GRIP1: variants seen among roughly 807,000 people sequenced by gnomAD.
The protein encoded by GRIP1 is glutamate receptor-interacting protein 1.
A neutral mutation model predicts 129.9 loss-of-function variants in GRIP1; 45 were observed. The ratio of observed to expected loss-of-function variants is 0.35; its 90% CI spans 0.27 to 0.44. The LOEUF (loss-of-function observed/expected upper bound fraction) is 0.44. Ranked by LOEUF, GRIP1 falls within the 20% of genes least tolerant of loss-of-function variation. The probability of loss-of-function intolerance (pLI) is 1.00; values close to 1 mark genes in which losing one functional copy is unlikely to be tolerated. For synonymous variants in GRIP1, 530 were observed against 520.8 expected (o/e 1.02, Z -0.24); for missense variants, 1,196 against 1,396.8 (o/e 0.86, Z 2.29).
At chr12:66,825,781 A>T (rs970509605) in intron 1 of GRIP1, among the ~76,000 whole-genome samples, 1 of 152,172 alleles carries the variant, frequency 6.6e-6, no homozygotes, top group Non-Finnish European at 1.5e-5. Context: ...ATAAAACTAC[A>T]TTTTAAAATG....
intron 17 of GRIP1, among the ~76,000 whole-genome samples, chr12:66,393,063 C>T (rs2056651600): frequency 6.6e-6 from 1 of 151,082 alleles, no homozygotes; most frequent in Admixed American, 6.6e-5. Context: ...TTTTTTAATT[C>T]CAAGAAAGCT....
chr12:66,737,545 G>A (rs1204635902), intron 1 of GRIP1, among the ~76,000 whole-genome samples: 1 of 152,124 alleles, frequency 6.6e-6, no homozygotes, highest in Admixed American at 6.6e-5. Flanking sequence ...GCCTCCCAAA[G>A]TGCTAGGATT....
At chr12:66,372,270 A>G in intron 22 of GRIP1, 1 of 377,308 alleles carries the variant, frequency 2.7e-6, no homozygotes, top group Non-Finnish European at 5.0e-6. Context: ...AGTGGGCTCT[A>G]ACAGATGGGA....
rs547848126 is a variant in GRIP1, at chr12:66,554,885, C to T, written c.137-12935G>A. On this transcript the variant is annotated intron_variant, in intron 2 of 24. Coordinates refer to ENST00000359742, the MANE Select transcript of GRIP1 (RefSeq NM_001366722.1). ...CCAGTTCAGCTGCAGTAGAATAGAGCACCAGGTAGCTTTCTAAGGTTCCTG... is the reference window on the plus strand; with the variant it reads ...CCAGTTCAGCTGCAGTAGAATAGAGTACCAGGTAGCTTTCTAAGGTTCCTG... Among the ~76,000 whole-genome samples, 239 of 152,264 alleles carry T rather than the reference C, an allele frequency of 1.6e-3. 1 individual carries two copies. The highest frequency in any genetic ancestry group is 5.4e-3 in the African/African-American group (224 of 41,556).
Position 66,347,545 on chromosome 12 carries a change from CAT to C in GRIP1, c.*1472_*1473del, listed in dbSNP as rs2054023026. 6.6e-6 allele frequency: 1 copy of C among 152,098 alleles called. No individual in the cohort carries two copies. The highest frequency in any genetic ancestry group is 2.4e-5 in the African/African-American group (1 of 41,418). The allele number at this position is 152,098 out of a possible 1,614,324, so 9.4% of individuals were successfully genotyped here. ...CAATTTTGAATTCCCCAAAACCATA[CAT>C]AGACGATAAATACCATGCTATTAAA... On this transcript the variant is annotated 3_prime_UTR_variant, in exon 25 of 25. Transcript: ENST00000359742.
At chr12:66,580,134 A>G (rs1456669861) in intron 2 of GRIP1, among the ~76,000 whole-genome samples, 1 of 147,594 alleles carries the variant, frequency 6.8e-6, no homozygotes, top group Non-Finnish European at 1.5e-5. Flanking sequence ...TTTTCAACCC[A>G]GAATTTCATA....
In GRIP1 at chr12:66,377,047, C is replaced by T. The variant is rs2055817998; in HGVS notation, c.2748G>A (p.Arg916=). 4 of 1,612,564 alleles carry T rather than the reference C, an allele frequency of 2.5e-6. No homozygotes were observed. Among genetic ancestry groups the T allele is most frequent in the Middle Eastern group, 1.6e-4 (1 of 6,084 alleles). The change falls in exon 22 of 25, where the codon AGG becomes AGA. Residue 916 remains arginine, a synonymous_variant. Transcript: ENST00000359742. ...ILRELEEKAD[R]RVSLRNMTLL... ...GAGTCATGTTTCTCAAAGACACACG[C>T]CTGTCAGCTTTCTCCTGTGGAAAGG...
chr12:66,565,900 G>T (rs995724712), intron 2 of GRIP1, among the ~76,000 whole-genome samples: 31 of 152,278 alleles, frequency 2.0e-4, no homozygotes, highest in African/African-American at 6.5e-4. Context: ...GTGAATGGGG[G>T]TTCACTCATG....
intron 1 of GRIP1, among the ~76,000 whole-genome samples, chr12:66,794,333 A>G (rs1477589646): frequency 6.6e-6 from 1 of 152,198 alleles, no homozygotes; most frequent in East Asian, 1.9e-4. Context: ...ACATCTATAG[A>G]TGGTCCAGGC....
chr12:66,689,543 G>A (rs1260604493), intron 1 of GRIP1, among the ~76,000 whole-genome samples: 4 of 152,022 alleles, frequency 2.6e-5, no homozygotes, highest in African/African-American at 9.7e-5. Flanking sequence ...AGGTGTATTT[G>A]GCATAAAATA....
intron 13 of GRIP1, among the ~76,000 whole-genome samples, chr12:66,440,015 T>G (rs1246870976): frequency 6.6e-6 from 1 of 152,188 alleles, no homozygotes; most frequent in Non-Finnish European, 1.5e-5. Flanking sequence ...TCCTCATGCA[T>G]TCCTCTGATT....
intron 1 of GRIP1, among the ~76,000 whole-genome samples, chr12:67,067,876 C>T (rs1438082913): frequency 6.6e-6 from 1 of 152,228 alleles, no homozygotes; most frequent in East Asian, 1.9e-4. Flanking sequence ...TTTCCTCGCC[C>T]ACCTACCCAC....
At chr12:66,982,521 G>A (rs991898035) in intron 1 of GRIP1, among the ~76,000 whole-genome samples, 3 of 152,196 alleles carry the variant, frequency 2.0e-5, no homozygotes, top group Non-Finnish European at 2.9e-5. Context: ...CTGTTGCTCA[G>A]TGGGAGGGAA....
intron 16 of GRIP1, among the ~76,000 whole-genome samples, chr12:66,400,390 G>C (rs1200158036): frequency 6.6e-6 from 1 of 152,176 alleles, no homozygotes; most frequent in East Asian, 1.9e-4. Context: ...GGACAGCCAA[G>C]ATCATTCTTG....
intron 2 of GRIP1, among the ~76,000 whole-genome samples, chr12:66,575,048 AG>A (rs2063097881): frequency 6.6e-6 from 1 of 152,108 alleles, no homozygotes; most frequent in Non-Finnish European, 1.5e-5. Context: ...TTGGGATTAC[AG>A]GCATTAGCCA....
chr12:66,867,965 G>A (rs1449807039), intron 1 of GRIP1, among the ~76,000 whole-genome samples: 1 of 152,088 alleles, frequency 6.6e-6, no homozygotes, highest in Non-Finnish European at 1.5e-5. Flanking sequence ...TCTATATGAA[G>A]GGAAAAATAT....
At chr12:66,745,860 G>T (rs1024426922) in intron 1 of GRIP1, among the ~76,000 whole-genome samples, 1 of 152,112 alleles carries the variant, frequency 6.6e-6, no homozygotes, top group Non-Finnish European at 1.5e-5. Flanking sequence ...AGTCTGTAAG[G>T]TCAGAAGCGG....
intron 2 of GRIP1, among the ~76,000 whole-genome samples, chr12:66,591,447 A>G (rs1306260290): frequency 6.6e-6 from 1 of 152,026 alleles, no homozygotes; most frequent in South Asian, 2.1e-4. Context: ...GGACAGCCCA[A>G]CTGAGAAGCA....
intron 1 of GRIP1, among the ~76,000 whole-genome samples, chr12:66,649,929 G>A (rs942058900): frequency 5.3e-5 from 8 of 152,134 alleles, no homozygotes; most frequent in African/African-American, 1.9e-4. Flanking sequence ...TGTGTTTTAG[G>A]GCTAGCTATT....
Sources: gnomAD v4.1 joint callset for allele counts (sites outside exome capture counted in the v4.1 genomes callset) on GRCh38, gnomAD v4.1.1 for gene constraint, MANE v1.5 for transcripts, NCBI Gene and HGNC (gene_info 2026-07-23, HGNC 2026-07-21) for gene names.